Variants in ROR1 observed in about 807,000 individuals in gnomAD.
ROR1 encodes inactive tyrosine-protein kinase transmembrane receptor ROR1.
In ROR1, 19 loss-of-function variants were observed where a neutral mutation model predicts 78.8. That is an observed-to-expected ratio of 0.24 (90% CI 0.17 to 0.35). The LOEUF (loss-of-function observed/expected upper bound fraction) is 0.35, where lower values mean the gene tolerates loss of function less well. ROR1 is among the 10% of genes least tolerant of loss of function. ROR1 has a pLI of 1.00. For missense variants in ROR1, 917 were observed against 1,177.8 expected (o/e 0.78, Z 3.24); for synonymous variants, 386 against 433.6 (o/e 0.89, Z 1.36).
At chr1:63,891,654 C>T (rs979343813) in intron 1 of ROR1, among the ~76,000 whole-genome samples, 1 of 152,096 alleles carries the variant, frequency 6.6e-6, no homozygotes, top group Admixed American at 6.6e-5. Context: ...GATATTCATG[C>T]CTCGAGTATG....
chr1:64,089,232 C>T (rs1647176602), intron 4 of ROR1, among the ~76,000 whole-genome samples: 1 of 150,108 alleles, frequency 6.7e-6, no homozygotes, highest in Admixed American at 6.6e-5. Flanking sequence ...TTTTTTGAGA[C>T]ATGGTCTCAC....
chr1:64,089,248 G>A (rs1206924559), intron 4 of ROR1, among the ~76,000 whole-genome samples: 2 of 151,400 alleles, frequency 1.3e-5, no homozygotes, highest in East Asian at 3.9e-4. Flanking sequence ...CTCACTCTGT[G>A]TCTCAGGCTG....
At chr1:63,783,550 A>G (rs921517256) in intron 1 of ROR1, among the ~76,000 whole-genome samples, 2 of 152,186 alleles carry the variant, frequency 1.3e-5, no homozygotes, top group African/African-American at 2.4e-5. Flanking sequence ...TAGGAGCATT[A>G]TTGTTCACTA....
intron 2 of ROR1, among the ~76,000 whole-genome samples, chr1:64,015,790 C>T (rs1329083512): frequency 1.3e-5 from 2 of 151,980 alleles, no homozygotes; most frequent in East Asian, 3.9e-4. Flanking sequence ...TGGTTGGGGT[C>T]GTAAGCAACA....
At chr1:64,092,332 T>C (rs6700276) in intron 4 of ROR1, among the ~76,000 whole-genome samples, 94,142 of 152,036 alleles carry the variant, frequency 0.62, 30,423 homozygotes, top group African/African-American at 0.82. Flanking sequence ...ACACTGAGCT[T>C]GACATCAGGA....
chr1:63,820,489 T>A (rs1379746631), intron 1 of ROR1, among the ~76,000 whole-genome samples: 1 of 152,232 alleles, frequency 6.6e-6, no homozygotes, highest in Non-Finnish European at 1.5e-5. Flanking sequence ...AATGCCCCAG[T>A]AGAACTGAAA....
intron 1 of ROR1, among the ~76,000 whole-genome samples, chr1:63,836,495 A>G (rs942571635): frequency 2.0e-5 from 3 of 152,136 alleles, no homozygotes; most frequent in Non-Finnish European, 4.4e-5. Flanking sequence ...CATAATTAGC[A>G]GGGGGGAATT....
intron 4 of ROR1, among the ~76,000 whole-genome samples, chr1:64,117,525 T>C (rs1347054473): frequency 6.6e-6 from 1 of 152,208 alleles, no homozygotes. Context: ...TCTGCCAGTA[T>C]TTGCCTTTTT....
chr1:64,089,291 A>T (rs7553533), intron 4 of ROR1, among the ~76,000 whole-genome samples: 1 of 151,648 alleles, frequency 6.6e-6, no homozygotes, highest in African/African-American at 2.4e-5. Flanking sequence ...CTCACTGCAG[A>T]CTCAACTTCC....
At chr1:64,031,808 G>T (rs1427467548) in intron 2 of ROR1, among the ~76,000 whole-genome samples, 2 of 152,072 alleles carry the variant, frequency 1.3e-5, no homozygotes, top group African/African-American at 4.8e-5. Flanking sequence ...TTTTTCTTGT[G>T]AAGGCATAGC....
At chr1:64,146,970 C>T (rs1308799437) in intron 7 of ROR1, among the ~76,000 whole-genome samples, 1 of 152,220 alleles carries the variant, frequency 6.6e-6, no homozygotes, top group African/African-American at 2.4e-5. Context: ...CACAGCCAAC[C>T]ACTGTCTGCA....
At chr1:63,884,706 T>C (rs905844609) in intron 1 of ROR1, among the ~76,000 whole-genome samples, 7 of 152,144 alleles carry the variant, frequency 4.6e-5, no homozygotes, top group African/African-American at 1.7e-4. Flanking sequence ...AAACAACTCA[T>C]AGACCTGGGG....
intron 4 of ROR1, among the ~76,000 whole-genome samples, chr1:64,071,699 C>T (rs1378296469): frequency 6.6e-6 from 1 of 151,986 alleles, no homozygotes. Context: ...GTGGCAACTG[C>T]GGGGAGAAGG....
chr1:64,177,977 T>C lies in ROR1; in HGVS notation c.1936T>C (p.Tyr646His), dbSNP rs754551829. 1 of 1,614,264 alleles carries C rather than the reference T, an allele frequency of 6.2e-7. No individual in the cohort carries two copies. The highest frequency in any genetic ancestry group is 1.7e-5 in the Admixed American group (1 of 60,032). ...LSREIYSADY[Y>H]RVQSKSLLPI... ...CAGAGAAATTTACTCCGCTGATTACTACAGGGTCCAGAGTAAGTCCTTGCT... is the reference window on the plus strand; with the variant it reads ...CAGAGAAATTTACTCCGCTGATTACCACAGGGTCCAGAGTAAGTCCTTGCT... The change falls in exon 9 of 9, where the codon TAC (tyrosine) becomes CAC (histidine). Residue 646 changes from tyrosine to histidine, a missense_variant. Tyr to His is a moderately conservative substitution (Grantham distance 83, BLOSUM62 2). Coordinates refer to ENST00000371079, the MANE Select transcript of ROR1 (RefSeq NM_005012.4).
intron 2 of ROR1, among the ~76,000 whole-genome samples, chr1:64,018,319 G>A (rs948706619): frequency 6.6e-6 from 1 of 152,144 alleles, no homozygotes; most frequent in Non-Finnish European, 1.5e-5. Flanking sequence ...ACCTTTGCTT[G>A]TTGTGCTCTA....
At chr1:64,104,875 G>T (rs1408344165) in intron 4 of ROR1, among the ~76,000 whole-genome samples, 1 of 152,088 alleles carries the variant, frequency 6.6e-6, no homozygotes, top group Non-Finnish European at 1.5e-5. Context: ...TGGGCATTTG[G>T]GTTAGTTCCA....
chr1:63,924,763 G>C (rs1645685796), intron 1 of ROR1, among the ~76,000 whole-genome samples: 1 of 151,980 alleles, frequency 6.6e-6, no homozygotes, highest in African/African-American at 2.4e-5. Context: ...AGCAGCACAG[G>C]AGGGCCTGGG....
At chr1:63,893,193 A>G (rs1034480799) in intron 1 of ROR1, among the ~76,000 whole-genome samples, 28 of 152,084 alleles carry the variant, frequency 1.8e-4, no homozygotes, top group African/African-American at 6.5e-4. Context: ...GCACAGTGTC[A>G]CTGGGAGGAT....
chr1:63,917,845 A>G (rs948160123), intron 1 of ROR1, among the ~76,000 whole-genome samples: 2 of 152,182 alleles, frequency 1.3e-5, no homozygotes, highest in African/African-American at 4.8e-5. Flanking sequence ...ACGTGGCATA[A>G]TGACAGGGCC....
Sources: gnomAD v4.1 joint callset for allele counts (sites outside exome capture counted in the v4.1 genomes callset) on GRCh38, gnomAD v4.1.1 for gene constraint, MANE v1.5 for transcripts, NCBI Gene and HGNC (gene_info 2026-07-23, HGNC 2026-07-21) for gene names.